The following HERC1 variants were observed in gnomAD, a reference collection of about 807,000 sequenced individuals.
The protein encoded by HERC1 is probable E3 ubiquitin-protein ligase HERC1.
HERC1 carries 160 observed loss-of-function variants against 554.3 expected under a neutral mutation model. The ratio of observed to expected loss-of-function variants is 0.29; its 90% confidence interval spans 0.25 to 0.33. The LOEUF (loss-of-function observed/expected upper bound fraction) is 0.33. Ranked by LOEUF, HERC1 falls within the 10% of genes least tolerant of loss-of-function variation. The pLI, the probability that HERC1 is intolerant of heterozygous loss-of-function variation, is 1.00. For synonymous variants in HERC1, 2,175 were observed against 2,131.7 expected, an observed-to-expected ratio of 1.02 and a Z score of -0.56; for missense variants, 4,919 against 5,918.5, an observed-to-expected ratio of 0.83 and a Z score of 5.54.
chr15:63,829,499 TACACACACACAC>T (rs59580148), intron 1 of HERC1, among the ~76,000 whole-genome samples: 2 of 53,364 alleles, frequency 3.7e-5, no homozygotes, highest in African/African-American at 5.8e-5. Context: ...TATATATATA[TACACACACACAC>T]ATATATAAAT....
chr15:63,647,848 C>T (rs1209291897), intron 55 of HERC1, among the ~76,000 whole-genome samples: 1 of 152,100 alleles, frequency 6.6e-6, no homozygotes, highest in Non-Finnish European at 1.5e-5. Flanking sequence ...AGGGAACTCA[C>T]GTGTACACAC....
At chr15:63,716,696 T>C (rs1596052908) in intron 21 of HERC1, among the ~76,000 whole-genome samples, 1 of 152,184 alleles carries the variant, frequency 6.6e-6, no homozygotes, top group East Asian at 1.9e-4. Flanking sequence ...CCTCATTATT[T>C]TGATTAAAAT....
chr15:63,654,751 C>G (rs1356057212), intron 50 of HERC1, among the ~76,000 whole-genome samples: 2 of 151,458 alleles, frequency 1.3e-5, no homozygotes, highest in Non-Finnish European at 2.9e-5. Context: ...TGCCTATAAT[C>G]CCAGCTACTC....
rs911409704 is a variant in HERC1, at chr15:63,645,663, T to C, written c.10898A>G (p.Lys3633Arg). The C allele has an allele frequency of 1.3e-6, 2 of 1,590,440 alleles. No individual in the cohort carries two copies. The highest frequency in any genetic ancestry group is 1.7e-6 in the Non-Finnish European group (2 of 1,169,804). The change falls in exon 56 of 78, where the codon AAG becomes AGG. Residue 3633 changes from lysine (K) to arginine (R), a missense_variant. This residue lies in a region of HERC1 where 1,963 missense variants were observed against 2,228.6 expected (regional missense o/e 0.88). Transcript: ENST00000443617. ...DAHKDTLISMKWDPTGHILMT... is the reference protein window; with the variant it reads ...DAHKDTLISMRWDPTGHILMT... The stretch of plus-strand genomic sequence containing the variant: ...AAGAATATGACCTGTAGGGTCCCAC[T>C]TCATGCTAATAAGAGTATCCTTAAA...
chr15:63,813,311 G>GACAC (rs10534978), intron 1 of HERC1, among the ~76,000 whole-genome samples: 6,392 of 139,490 alleles, frequency 0.046, 169 homozygotes, highest in African/African-American at 0.069. Flanking sequence ...ATCAGAGATG[G>GACAC]ACACACACAC....
intron 24 of HERC1, among the ~76,000 whole-genome samples, chr15:63,707,884 G>C (rs2073094957): frequency 7.7e-6 from 1 of 130,136 alleles, no homozygotes; most frequent in African/African-American, 2.9e-5. Context: ...AGCTGAGATT[G>C]TGCCACTGCA....
At chr15:63,700,009 T>G (rs568898083) in intron 25 of HERC1, among the ~76,000 whole-genome samples, 2 of 152,216 alleles carry the variant, frequency 1.3e-5, no homozygotes, top group East Asian at 3.9e-4. Context: ...ACACAAGAAC[T>G]AGAAAACTAA....
At chr15:63,717,850 C>T (rs932202185) in intron 21 of HERC1, among the ~76,000 whole-genome samples, 3 of 152,138 alleles carry the variant, frequency 2.0e-5, no homozygotes, top group South Asian at 2.1e-4. Flanking sequence ...CCAGCCTGAG[C>T]GACAGAGCGA....
Position 63,656,363 on chromosome 15 carries a change from CA to C in HERC1, c.9600-6del, listed in dbSNP as rs756811109. 1.2e-4 allele frequency: 189 copies of C among 1,602,108 alleles called. No individual in the cohort carries two copies. Among genetic ancestry groups the C allele is most frequent in the Non-Finnish European group, 1.5e-4 (171 of 1,172,460 alleles). ...GCCAGGCTACAACTGGAACCACTGCCAGTAAAGAAAAACATCTCAGATGGAT... is the reference window on the plus strand; with the variant it reads ...GCCAGGCTACAACTGGAACCACTGCCGTAAAGAAAAACATCTCAGATGGAT... On this transcript the variant is annotated splice_polypyrimidine_tract_variant and splice_region_variant and intron_variant, in intron 48 of 77. Transcript: ENST00000443617.
At chr15:63,654,920 C>T (rs1020182854) in intron 50 of HERC1, among the ~76,000 whole-genome samples, 12 of 152,100 alleles carry the variant, frequency 7.9e-5, no homozygotes, top group African/African-American at 2.9e-4. Flanking sequence ...GCTCCAAGGA[C>T]TCAGTAGACT....
At chr15:63,679,600 G>A (rs1319817205) in intron 36 of HERC1, among the ~76,000 whole-genome samples, 2 of 152,176 alleles carry the variant, frequency 1.3e-5, no homozygotes, top group African/African-American at 4.8e-5. Context: ...AGGTGAAAGA[G>A]AAAGTTTACA....
In HERC1 at chr15:63,675,208, A is replaced by ATCATGTACCTATTC. The variant is rs1239394620; in HGVS notation, c.7071-92_7071-91insGAATAGGTACATGA. Reference sequence around the variant, plus strand: ...AAATAATGTAGACAAAATAAGGTGCATCATGTACACAATACAGAGAATAAT... The same window carrying ATCATGTACCTATTC: ...AAATAATGTAGACAAAATAAGGTGCATCATGTACCTATTCTCATGTACACAATACAGAGAATAAT... On this transcript the variant is annotated intron_variant, in intron 37 of 77. Coordinates refer to ENST00000443617, the MANE Select transcript of HERC1 (RefSeq NM_003922.4). The ATCATGTACCTATTC allele has an allele frequency of 1.2e-5, 12 of 1,031,950 alleles. No individual in the cohort carries two copies. In the Admixed American group the frequency reaches 2.8e-4, roughly 24 times the overall value. The allele number at this position is 1,031,950 out of a possible 1,614,324, so 63.9% of individuals were successfully genotyped here. A position where few individuals can be genotyped will look rare whatever the true frequency, so the allele number is the denominator to read the frequency against.
chr15:63,737,344 CTTCCAGATATATATATATCTTTT>C (rs2074552873), intron 12 of HERC1, among the ~76,000 whole-genome samples: 2 of 145,294 alleles, frequency 1.4e-5, no homozygotes, highest in Admixed American at 6.9e-5. Flanking sequence ...CAACAAAACA[CTTCCAGATATATATATATCTTTT>C]TTCCAGATAT....
At chr15:63,716,250 A>G (rs919452555) in intron 22 of HERC1, 52 bp downstream of exon 22, 1 of 1,513,878 alleles carries the variant, frequency 6.6e-7, no homozygotes. Flanking sequence ...TAGTTCCCCT[A>G]TCAAAAAGCA....
chr15:63,620,741 T>C (rs1366464927), intron 74 of HERC1, among the ~76,000 whole-genome samples: 1 of 152,218 alleles, frequency 6.6e-6, no homozygotes, highest in Non-Finnish European at 1.5e-5. Flanking sequence ...CCCTTTACCA[T>C]TATGTAATGG....
chr15:63,701,024 G>C (rs1348445194), intron 25 of HERC1, among the ~76,000 whole-genome samples: 1 of 151,264 alleles, frequency 6.6e-6, no homozygotes, highest in Non-Finnish European at 1.5e-5. Context: ...CTTGTTTTTT[G>C]GGGGGGTGTT....
At chr15:63,752,811 A>C in intron 8 of HERC1, 147 bp downstream of exon 8, 1 of 746,550 alleles carries the variant, frequency 1.3e-6, no homozygotes, top group South Asian at 2.3e-5. Context: ...CAGATACTCT[A>C]CTTCAAACAG....
Position 63,635,951 on chromosome 15 carries a change from C to T in HERC1, c.12414+10G>A. The T allele has an allele frequency of 1.2e-6, 2 of 1,612,408 alleles. No homozygotes were observed. Among genetic ancestry groups the T allele is most frequent in the African/African-American group, 1.3e-5 (1 of 74,992 alleles). The stretch of plus-strand genomic sequence containing the variant: ...CAATGAAAGGCAAACTTATCCATTT[C>T]CTGCCTGACCTGCACCACTTCTTCT... On this transcript the variant is annotated intron_variant, in intron 65 of 77. Transcript: ENST00000443617.
chr15:63,657,536 T>A (rs940106879), intron 48 of HERC1, among the ~76,000 whole-genome samples: 4 of 152,180 alleles, frequency 2.6e-5, no homozygotes, highest in Admixed American at 6.5e-5. Context: ...TTCTGTTGGT[T>A]AGATGCATTA....
Sources: allele counts gnomAD v4.1 joint callset (sites outside exome capture counted in the v4.1 genomes callset), GRCh38; gene constraint gnomAD v4.1.1; regional missense constraint gnomAD v4.1.1; transcripts MANE v1.5; gene names NCBI Gene and HGNC (gene_info 2026-07-23, HGNC 2026-07-21).